PHACTR3: variants seen among roughly 807,000 people sequenced by gnomAD.
The protein encoded by PHACTR3 is protein phosphatase 1, regulatory subunit 123.
PHACTR3 carries 16 observed loss-of-function variants against 66.8 expected under a neutral mutation model. That is an observed-to-expected ratio of 0.24 (90% CI 0.16 to 0.36). The LOEUF (loss-of-function observed/expected upper bound fraction) is 0.36, where lower values mean the gene tolerates loss of function less well. Among genes scored for constraint, PHACTR3 ranks in the 10% least tolerant of loss-of-function variants. PHACTR3 has a pLI of 1.00. For missense variants in PHACTR3, 647 were observed against 719.9 expected, an observed-to-expected ratio of 0.90 and a Z score of 1.16; for synonymous variants, 323 against 292.1, an observed-to-expected ratio of 1.11 and a Z score of -1.08.
chr20:59,644,492 G>C (rs539418084), intron 1 of PHACTR3, among the ~76,000 whole-genome samples: 1 of 152,160 alleles, frequency 6.6e-6, no homozygotes, highest in African/African-American at 2.4e-5. Flanking sequence ...CTCCAACAGG[G>C]GGCGGGAGCT....
chr20:59,710,045 T>A (rs2037856212), intron 1 of PHACTR3, among the ~76,000 whole-genome samples: 1 of 152,132 alleles, frequency 6.6e-6, no homozygotes, highest in Admixed American at 6.5e-5. Context: ...TCAGGGAACA[T>A]GTTGGTAAGT....
At chr20:59,600,373 G>A (rs2033441422), upstream of PHACTR3, among the ~76,000 whole-genome samples, 1 of 152,196 alleles carries the variant, frequency 6.6e-6, no homozygotes, top group Admixed American at 6.5e-5. Flanking sequence ...ATTCATGGTG[G>A]TATTCCTGGC....
chr20:59,731,759 A>C (rs1384737171), intron 1 of PHACTR3, among the ~76,000 whole-genome samples: 1 of 152,192 alleles, frequency 6.6e-6, no homozygotes, highest in Non-Finnish European at 1.5e-5. Flanking sequence ...TAATTTCAGC[A>C]TCATTGCGTG....
intron 1 of PHACTR3, among the ~76,000 whole-genome samples, chr20:59,615,062 G>C (rs931542909): frequency 6.6e-6 from 1 of 152,060 alleles, no homozygotes; most frequent in Non-Finnish European, 1.5e-5. Flanking sequence ...TTATTTTCCT[G>C]TTATTCTCTA....
intron 1 of PHACTR3, among the ~76,000 whole-genome samples, chr20:59,700,915 A>C (rs1176094940): frequency 6.6e-6 from 1 of 151,960 alleles, no homozygotes. Context: ...TCAGCCTCCC[A>C]AGTAGCTATG....
intron 1 of PHACTR3, among the ~76,000 whole-genome samples, chr20:59,591,251 G>C (rs142172829): frequency 6.6e-6 from 1 of 152,218 alleles, no homozygotes; most frequent in East Asian, 1.9e-4. Flanking sequence ...CCTCTCCGAA[G>C]GCACCTGCTC....
chr20:59,746,081 A>G (rs555365825), intron 2 of PHACTR3, among the ~76,000 whole-genome samples: 9 of 152,240 alleles, frequency 5.9e-5, no homozygotes, highest in African/African-American at 1.4e-4. Context: ...CACTTTGTCA[A>G]TTTTATCCAC....
chr20:59,736,935 C>T lies in PHACTR3; in HGVS notation c.119-6172C>T, dbSNP rs2038966135. 6.6e-6 allele frequency among the ~76,000 whole-genome samples: 1 copy of T among 152,138 alleles called. No homozygotes were observed. Among genetic ancestry groups the T allele is most frequent in the African/African-American group, 2.4e-5 (1 of 41,442 alleles). On this transcript the variant is annotated intron_variant, in intron 1 of 12. Transcript: ENST00000371015. The surrounding 1 kb of genome is among the most constrained non-coding windows in gnomAD (Gnocchi z 4.6). ...CCCTGGGCATGGGGTCTTCACTCCT[C>T]TGATGACAGTTGAGCCCCTTGAGGA...
chr20:59,605,398 A>G (rs1196226968), intron 1 of PHACTR3, among the ~76,000 whole-genome samples: 1 of 152,164 alleles, frequency 6.6e-6, no homozygotes, highest in Non-Finnish European at 1.5e-5. Context: ...CGTCCCCTCG[A>G]AGGAGGCTTC....
At chr20:59,740,427 G>A (rs780828980) in intron 1 of PHACTR3, among the ~76,000 whole-genome samples, 4 of 152,018 alleles carry the variant, frequency 2.6e-5, no homozygotes, top group Admixed American at 6.5e-5. Context: ...TCCTGTCTCC[G>A]ACTCTTAAGT....
intron 7 of PHACTR3, among the ~76,000 whole-genome samples, chr20:59,798,900 A>G (rs745988546): frequency 4.6e-5 from 7 of 152,068 alleles, no homozygotes; most frequent in Non-Finnish European, 8.8e-5. Flanking sequence ...GGAACCTGAT[A>G]TCATCGATTT....
intron 7 of PHACTR3, among the ~76,000 whole-genome samples, chr20:59,803,130 GGCTGCCAGGCA>G (rs1032520791): frequency 4.6e-5 from 7 of 152,150 alleles, no homozygotes; most frequent in Non-Finnish European, 8.8e-5. Context: ...TTCCCTCGGT[GGCTGCCAGGCA>G]GCTGGTCTTC....
chr20:59,772,631 G>A (rs539073614), intron 5 of PHACTR3, among the ~76,000 whole-genome samples: 11 of 152,336 alleles, frequency 7.2e-5, no homozygotes, highest in Non-Finnish European at 1.6e-4. Context: ...TCACATGCTG[G>A]AGTGAAGAGA....
At chr20:59,837,431 A>G (rs952920011) in intron 9 of PHACTR3, among the ~76,000 whole-genome samples, 1 of 152,186 alleles carries the variant, frequency 6.6e-6, no homozygotes, top group Admixed American at 6.5e-5. Context: ...TGGTCTGGGT[A>G]CTGAACTTGA....
At chr20:59,669,996 T>C (rs545548721) in intron 1 of PHACTR3, among the ~76,000 whole-genome samples, 1 of 152,378 alleles carries the variant, frequency 6.6e-6, no homozygotes, top group East Asian at 1.9e-4. Flanking sequence ...TCTCTCTATG[T>C]GCCCAGTGAA....
chr20:59,801,586 C>A (rs1441606744), intron 7 of PHACTR3, among the ~76,000 whole-genome samples: 2 of 152,228 alleles, frequency 1.3e-5, no homozygotes, highest in African/African-American at 4.8e-5. Context: ...ACGCTACTTC[C>A]TTCAGAAGTC....
At chr20:59,661,376 C>T (rs1267830256) in intron 1 of PHACTR3, among the ~76,000 whole-genome samples, 4 of 152,078 alleles carry the variant, frequency 2.6e-5, no homozygotes, top group Non-Finnish European at 5.9e-5. Flanking sequence ...GGGGAGCATG[C>T]ACGTTGCTAA....
At chr20:59,754,778 C>A (rs1184413) in intron 3 of PHACTR3, among the ~76,000 whole-genome samples, 92,515 of 152,164 alleles carry the variant, frequency 0.61, 29,203 homozygotes, top group Non-Finnish European at 0.68. Context: ...CAGGGATGTG[C>A]AAGCACTTCT....
intron 1 of PHACTR3, among the ~76,000 whole-genome samples, chr20:59,630,696 G>A (rs1349706387): frequency 2.0e-5 from 3 of 152,192 alleles, no homozygotes; most frequent in Non-Finnish European, 4.4e-5. Context: ...ACTGGGGTGG[G>A]CGGTTACCTG....
Sources: gnomAD v4.1 joint callset for allele counts (sites outside exome capture counted in the v4.1 genomes callset) on GRCh38, gnomAD v4.1.1 for gene constraint, Gnocchi (gnomAD v3.1) non-coding constraint, MANE v1.5 for transcripts, NCBI Gene and HGNC (gene_info 2026-07-23, HGNC 2026-07-21) for gene names.